Variants in SREK1IP1 observed in about 807,000 individuals in gnomAD.
The protein encoded by SREK1IP1 is SREK1 interacting protein 1.
In SREK1IP1, 12 loss-of-function variants were observed where a neutral mutation model predicts 22.8. The ratio of observed to expected loss-of-function variants is 0.53; its 90% CI spans 0.34 to 0.85. The LOEUF is 0.85. Ranked by LOEUF, SREK1IP1 falls within the 40% of genes least tolerant of loss-of-function variation. SREK1IP1 has a pLI of 0.02. For missense variants in SREK1IP1, 147 were observed against 171.8 expected, an observed-to-expected ratio of 0.86 and a Z score of 0.81; for synonymous variants, 53 against 52.7, an observed-to-expected ratio of 1.01 and a Z score of -0.02.
At chr5:64,767,856 C>A (rs1743075367) in intron 1 of SREK1IP1, among the ~76,000 whole-genome samples, 4 of 152,180 alleles carry the variant, frequency 2.6e-5, no homozygotes, top group Admixed American at 2.6e-4. Flanking sequence ...TCCAAGTAAG[C>A]TGGTAGTTGA....
At chr5:64,729,957 C>T (rs942992128) in intron 3 of SREK1IP1, among the ~76,000 whole-genome samples, 8 of 152,108 alleles carry the variant, frequency 5.3e-5, no homozygotes, top group African/African-American at 1.9e-4. Context: ...TCTGGACACA[C>T]ACACTGATCA....
intron 3 of SREK1IP1, among the ~76,000 whole-genome samples, chr5:64,739,044 G>A (rs1742512420): frequency 6.6e-6 from 1 of 152,050 alleles, no homozygotes; most frequent in African/African-American, 2.4e-5. Context: ...CTGGAAGCCT[G>A]GATTATATTT....
chr5:64,741,311 A>T, intron 2 of SREK1IP1, 111 bp from the exon 3 acceptor site: 1 of 1,040,070 alleles, frequency 9.6e-7, no homozygotes, highest in Non-Finnish European at 1.4e-6. Flanking sequence ...TCAATAATAT[A>T]ATGTAGAAAG....
At chr5:64,724,620 T>C (rs1358351105) in intron 4 of SREK1IP1, 47 bp from the exon 5 acceptor site, 7 of 1,360,062 alleles carry the variant, frequency 5.1e-6, no homozygotes, top group Non-Finnish European at 6.8e-6. Flanking sequence ...TTATGACTGA[T>C]AGATAAATTT....
In SREK1IP1 at chr5:64,764,753, T is replaced by G. The variant is rs7713130; in HGVS notation, c.13+3752A>C. 3.9e-5 allele frequency among the ~76,000 whole-genome samples: 6 copies of G among 152,056 alleles called. No homozygotes were observed. In the East Asian group the frequency reaches 1.2e-3, roughly 29 times the overall value. On this transcript the variant is annotated intron_variant, in intron 1 of 4. Transcript: ENST00000513458. Reference sequence around the variant, plus strand: ...CTAAGTTCATGCCTCCCACCAATGATAGGATCAGATATATGATTCAGGAAA... The same window carrying G: ...CTAAGTTCATGCCTCCCACCAATGAGAGGATCAGATATATGATTCAGGAAA...
At chr5:64,758,726 C>T (rs964313888) in intron 1 of SREK1IP1, among the ~76,000 whole-genome samples, 2 of 152,178 alleles carry the variant, frequency 1.3e-5, no homozygotes, top group African/African-American at 4.8e-5. Flanking sequence ...TAGAATTGAA[C>T]TCATGACAAA....
chr5:64,725,913 G>A (rs1399295230), intron 4 of SREK1IP1, among the ~76,000 whole-genome samples: 2 of 142,328 alleles, frequency 1.4e-5, no homozygotes, highest in Non-Finnish European at 3.0e-5. Flanking sequence ...TGCCCAGGCT[G>A]GAGTGCAATG....
chr5:64,746,682 C>T lies in SREK1IP1; in HGVS notation c.62-5482G>A, dbSNP rs562242608. Among the ~76,000 whole-genome samples the T allele has an allele frequency of 7.9e-5, 12 of 152,308 alleles. No homozygotes were observed. In the East Asian group the frequency reaches 1.5e-3, roughly 20 times the overall value. The stretch of plus-strand genomic sequence containing the variant: ...TGATCTGAATTGTTTCTACTCACAA[C>T]GCTTCTGACATCAAATGTGTGGGTT... On this transcript the variant is annotated intron_variant, in intron 2 of 4. Coordinates refer to ENST00000513458, the MANE Select transcript of SREK1IP1 (RefSeq NM_173829.4).
At position 64,768,488 on chromosome 5, in the gene SREK1IP1, C is replaced by G; in HGVS notation, c.13+17G>C. 1 of 1,614,162 alleles carries G rather than the reference C, an allele frequency of 6.2e-7. No individual in the cohort carries two copies. Among genetic ancestry groups the G allele is most frequent in the Non-Finnish European group, 8.5e-7 (1 of 1,180,012 alleles). Reference sequence around the variant, plus strand: ...CCTTCGGAGCTCGGACGCAGAGGCCCTGTAATTGCTCCTTACCTGGGACTG... The same window carrying G: ...CCTTCGGAGCTCGGACGCAGAGGCCGTGTAATTGCTCCTTACCTGGGACTG... On this transcript the variant is annotated intron_variant, in intron 1 of 4. Coordinates refer to ENST00000513458, the MANE Select transcript of SREK1IP1 (RefSeq NM_173829.4).
At chr5:64,756,357 T>C (rs1219493938) in intron 1 of SREK1IP1, among the ~76,000 whole-genome samples, 1 of 152,218 alleles carries the variant, frequency 6.6e-6, no homozygotes, top group East Asian at 1.9e-4. Context: ...TCTATTCTAC[T>C]TTCTGTCTCT....
chr5:64,750,082 C>CA (rs1375283155), intron 2 of SREK1IP1, among the ~76,000 whole-genome samples: 1 of 152,124 alleles, frequency 6.6e-6, no homozygotes, highest in African/African-American at 2.4e-5. Context: ...CTCTTTACCC[C>CA]AAGCCCTGCC....
intron 3 of SREK1IP1, among the ~76,000 whole-genome samples, chr5:64,733,557 G>A (rs750607736): frequency 1.4e-4 from 21 of 152,086 alleles, no homozygotes; most frequent in South Asian, 1.2e-3. Flanking sequence ...CACGCTTCTC[G>A]TAGGGACGTA....
intron 3 of SREK1IP1, among the ~76,000 whole-genome samples, chr5:64,729,742 G>C (rs958093499): frequency 6.6e-6 from 1 of 152,124 alleles, no homozygotes; most frequent in Non-Finnish European, 1.5e-5. Flanking sequence ...GGAACGAAAG[G>C]AATCAAGGAT....
Position 64,720,879 on chromosome 5 carries a change from G to A in SREK1IP1, c.*3505C>T, listed in dbSNP as rs555931333. On this transcript the variant is annotated 3_prime_UTR_variant, in exon 5 of 5. Coordinates refer to ENST00000513458, the MANE Select transcript of SREK1IP1 (RefSeq NM_173829.4). ...TCAAGCTCCCAAACACGGAACACAC[G>A]ACTCCTTCCTCCTGTTCCTAAGAAC... 4.6e-5 allele frequency: 7 copies of A among 152,292 alleles called. No individual in the cohort carries two copies. The highest frequency in any genetic ancestry group is 1.4e-4 in the African/African-American group (6 of 41,542). 9.4% of individuals were successfully genotyped at this position (152,292 alleles called of 1,614,324 possible).
chr5:64,733,122 C>T (rs991300396), intron 3 of SREK1IP1, among the ~76,000 whole-genome samples: 1 of 151,834 alleles, frequency 6.6e-6, no homozygotes, highest in African/African-American at 2.4e-5. Flanking sequence ...CAGATCTATG[C>T]ATAGGCAAAG....
At chr5:64,741,466 A>G (rs1742550462) in intron 2 of SREK1IP1, among the ~76,000 whole-genome samples, 1 of 152,130 alleles carries the variant, frequency 6.6e-6, no homozygotes, top group South Asian at 2.1e-4. Flanking sequence ...TATGGATTTC[A>G]AAGTATTGAG....
At chr5:64,763,084 A>T (rs57522743) in intron 1 of SREK1IP1, among the ~76,000 whole-genome samples, 1,802 of 152,012 alleles carry the variant, frequency 0.012, 34 homozygotes, top group African/African-American at 0.041. Flanking sequence ...AATAAAAATT[A>T]AAAAAAGGCT....
At chr5:64,765,727 A>G (rs981046769) in intron 1 of SREK1IP1, among the ~76,000 whole-genome samples, 2 of 152,230 alleles carry the variant, frequency 1.3e-5, no homozygotes, top group African/African-American at 2.4e-5. Context: ...GAAGGTTAAC[A>G]TATCTATAAC....
intron 1 of SREK1IP1, among the ~76,000 whole-genome samples, chr5:64,755,726 A>G (rs1349990103): frequency 6.6e-6 from 1 of 152,116 alleles, no homozygotes; most frequent in African/African-American, 2.4e-5. Flanking sequence ...GAAAGTAAAA[A>G]AAAAAATCTA....
Sources: allele counts gnomAD v4.1 joint callset (sites outside exome capture counted in the v4.1 genomes callset), GRCh38; gene constraint gnomAD v4.1.1; transcripts MANE v1.5; gene names NCBI Gene and HGNC (gene_info 2026-07-23, HGNC 2026-07-21).